Variants in COG7 observed in about 807,000 individuals in gnomAD.
The protein encoded by COG7 is conserved oligomeric Golgi complex subunit 7.
A neutral mutation model predicts 91.5 loss-of-function variants in COG7; 49 were observed. The observed-to-expected ratio is 0.54, with a 90% CI of 0.43 to 0.68. The LOEUF (loss-of-function observed/expected upper bound fraction) is 0.68, where lower values mean the gene tolerates loss of function less well. Ranked by LOEUF, COG7 falls within the 30% of genes least tolerant of loss-of-function variation. The pLI, the probability that COG7 is intolerant of heterozygous loss-of-function variation, is 0.00. For synonymous variants in COG7, 365 were observed against 388.7 expected (o/e 0.94, Z 0.72); for missense variants, 895 against 961.3 (o/e 0.93, Z 0.91).
intron 11 of COG7, among the ~76,000 whole-genome samples, chr16:23,406,855 T>G (rs1490048542): frequency 2.0e-5 from 3 of 152,182 alleles, no homozygotes; most frequent in Non-Finnish European, 2.9e-5. Context: ...CTTTCCAAAC[T>G]CTTTGAGAAA....
intron 9 of COG7, chr16:23,414,337 C>CA: frequency 6.6e-6 from 1 of 152,090 alleles, no homozygotes; most frequent in East Asian, 1.9e-4. Context: ...CTAAAAAAAA[C>CA]AAAAAAATTA....
intron 4 of COG7, among the ~76,000 whole-genome samples, chr16:23,435,601 C>T (rs1313429277): frequency 3.3e-5 from 5 of 152,156 alleles, no homozygotes; most frequent in African/African-American, 4.8e-5. Context: ...TGCACAGCAG[C>T]GCCACCTCTG....
intron 4 of COG7, among the ~76,000 whole-genome samples, chr16:23,440,688 C>A (rs1964086593): frequency 6.6e-6 from 1 of 151,962 alleles, no homozygotes; most frequent in Admixed American, 6.6e-5. Flanking sequence ...AACACCTGGG[C>A]TCAGGCGATC....
At chr16:23,418,666 C>T (rs977204872) in intron 8 of COG7, 34 bp downstream of exon 8, 4 of 1,610,594 alleles carry the variant, frequency 2.5e-6, no homozygotes, top group African/African-American at 1.3e-5. Context: ...TAACAGAATG[C>T]TTCCTCAGTG....
intron 6 of COG7, among the ~76,000 whole-genome samples, chr16:23,431,553 T>A (rs878949049): frequency 1.3e-5 from 2 of 152,208 alleles, no homozygotes; most frequent in East Asian, 1.9e-4. Context: ...CTCATGCCTG[T>A]AATCCCAGCA....
At chr16:23,441,009 GAGCTAATGAAC>G (rs1472379830) in intron 4 of COG7, among the ~76,000 whole-genome samples, 3 of 151,882 alleles carry the variant, frequency 2.0e-5, no homozygotes, top group Non-Finnish European at 2.9e-5. Context: ...GGAAAAAGGA[GAGCTAATGAAC>G]AGATAGTTGA....
intron 6 of COG7, 124 bp downstream of exon 6, chr16:23,433,421 C>T: frequency 7.8e-7 from 1 of 1,287,650 alleles, no homozygotes; most frequent in Non-Finnish European, 1.1e-6. Context: ...CCTTGAATGA[C>T]AGCAACAAAC....
At chr16:23,418,092 A>AT (rs1285341440) in intron 8 of COG7, among the ~76,000 whole-genome samples, 1 of 152,222 alleles carries the variant, frequency 6.6e-6, no homozygotes, top group Non-Finnish European at 1.5e-5. Flanking sequence ...GCCCATTTGC[A>AT]TGTCTTCCTT....
In COG7 at chr16:23,406,060, T is replaced by G; in HGVS notation, c.1662+16A>C. ...AGCCTTTCATTTGCAAGAATGCCAT[T>G]CATTTGGTCTCATACCTTAAGGGTA... is the stretch of plus-strand genomic sequence containing the variant. On this transcript the variant is annotated intron_variant, in intron 12 of 16. Transcript: ENST00000307149. 1 of 1,609,972 alleles carries G rather than the reference T, an allele frequency of 6.2e-7. No individual in the cohort carries two copies. Among genetic ancestry groups the G allele is most frequent in the South Asian group, 1.1e-5 (1 of 91,018 alleles).
At chr16:23,401,419 A>C (rs988726777) in intron 13 of COG7, among the ~76,000 whole-genome samples, 3 of 152,198 alleles carry the variant, frequency 2.0e-5, no homozygotes, top group Non-Finnish European at 4.4e-5. Context: ...TGAACTCTGG[A>C]ATGCAGAAGT....
intron 7 of COG7, among the ~76,000 whole-genome samples, chr16:23,423,792 C>T (rs1037708917): frequency 1.3e-5 from 2 of 152,358 alleles, no homozygotes; most frequent in Non-Finnish European, 2.9e-5. Flanking sequence ...CAGCAACATG[C>T]GTCACGGGGT....
Position 23,445,934 on chromosome 16 carries a change from A to AT in COG7, c.196dup (p.Met66AsnfsTer7), listed in dbSNP as rs1227850387. On this transcript the variant is annotated frameshift_variant, in exon 2 of 17. Coordinates refer to ENST00000307149, the MANE Select transcript of COG7 (RefSeq NM_153603.4). LOFTEE classifies it high-confidence loss of function. ...TTCAACATCACGGAGCACTTTGGGC[A>AT]TGTTCTGGAGAGCTTGGTGACTTGT... 1 of 1,595,528 alleles carries AT rather than the reference A, an allele frequency of 6.3e-7. No individual in the cohort carries two copies. Among genetic ancestry groups the AT allele is most frequent in the Admixed American group, 1.7e-5 (1 of 59,388 alleles).
rs114518988 is a variant in COG7 at position 23,397,662 on chromosome 16, C to A, written c.1887+384G>T. Among the ~76,000 whole-genome samples, 606 of 152,334 alleles carry A rather than the reference C, an allele frequency of 4.0e-3. 4 individuals carry two copies. The highest frequency in any genetic ancestry group is 0.014 in the African/African-American group (587 of 41,578). On this transcript the variant is annotated intron_variant, in intron 14 of 16. Transcript: ENST00000307149. ...GAGCCTGGCACATAGTAGGTGATCA[C>A]TAAAAGCTGGCTGAATTTGAATTCA...
At chr16:23,418,885 G>C in intron 7 of COG7, 58 bp from the exon 8 acceptor site, 1 of 1,547,874 alleles carries the variant, frequency 6.5e-7, no homozygotes, top group Non-Finnish European at 8.9e-7. Context: ...ATTAACTGTG[G>C]GAAAGCAACA....
In COG7 at chr16:23,431,365, T is replaced by C. The variant is rs375553298; in HGVS notation, c.810+2180A>G. Among the ~76,000 whole-genome samples, 14 of 152,344 alleles carry C rather than the reference T, an allele frequency of 9.2e-5. No individual in the cohort carries two copies. The South Asian group carries it at 1.0e-3, about 11-fold the overall frequency. On this transcript the variant is annotated intron_variant, in intron 6 of 16. Transcript: ENST00000307149. The stretch of plus-strand genomic sequence containing the variant: ...AACAGTATAAATCAGCAGAAACTCA[T>C]GTCTCCCAAAATCTAGGATGAGGCC...
chr16:23,428,486 G>A (rs1191112892), intron 6 of COG7, among the ~76,000 whole-genome samples: 1 of 151,842 alleles, frequency 6.6e-6, no homozygotes, highest in Non-Finnish European at 1.5e-5. Flanking sequence ...CAATAAGCAC[G>A]TGAAAAGTTC....
intron 1 of COG7, among the ~76,000 whole-genome samples, chr16:23,449,020 G>A (rs1029402482): frequency 1.3e-5 from 2 of 152,184 alleles, no homozygotes; most frequent in Non-Finnish European, 2.9e-5. Flanking sequence ...CCCACTGAAT[G>A]TCTTATGTCT....
chr16:23,393,759 A>C (rs923937770), intron 14 of COG7, among the ~76,000 whole-genome samples: 2 of 152,232 alleles, frequency 1.3e-5, no homozygotes, highest in South Asian at 2.1e-4. Context: ...CTGTCTTCTG[A>C]GGCCAGGCAC....
chr16:23,411,275 G>C (rs1252287201), intron 10 of COG7, among the ~76,000 whole-genome samples: 2 of 152,116 alleles, frequency 1.3e-5, no homozygotes, highest in Non-Finnish European at 2.9e-5. Flanking sequence ...ATAATGTCAG[G>C]ACAAATCCAA....
Sources: gnomAD v4.1 joint callset for allele counts (sites outside exome capture counted in the v4.1 genomes callset) on GRCh38, gnomAD v4.1.1 for gene constraint, MANE v1.5 for transcripts, NCBI Gene and HGNC (gene_info 2026-07-23, HGNC 2026-07-21) for gene names.